FMO2: variants seen among roughly 807,000 people sequenced by gnomAD.
FMO2 encodes flavin-containing monooxygenase 2.
In FMO2, 33 loss-of-function variants were observed where a neutral mutation model predicts 41.6. The ratio of observed to expected loss-of-function variants is 0.79; its 90% confidence interval spans 0.60 to 1.06. FMO2 has a LOEUF of 1.06. Ranked by LOEUF, FMO2 falls within the 50% of genes least tolerant of loss-of-function variation. FMO2 has a pLI of 0.00. For synonymous variants in FMO2, 214 were observed against 219.6 expected, an observed-to-expected ratio of 0.97 and a Z score of 0.23; for missense variants, 619 against 632.9, an observed-to-expected ratio of 0.98 and a Z score of 0.23.
intron 2 of FMO2, among the ~76,000 whole-genome samples, chr1:171,192,821 C>G (rs1421437224): frequency 2.6e-5 from 4 of 151,286 alleles, no homozygotes; most frequent in Non-Finnish European, 5.9e-5. Context: ...ACCTTTATAG[C>G]TTGACAATGA....
chr1:171,205,478 G>C lies in FMO2; in HGVS notation c.1027G>C (p.Val343Leu), dbSNP rs756113906. 1 of 1,613,686 alleles carries C rather than the reference G, an allele frequency of 6.2e-7. No homozygotes were observed. Among genetic ancestry groups the C allele is most frequent in the Non-Finnish European group, 8.5e-7 (1 of 1,179,772 alleles). The change falls in exon 7 of 9, where the codon GTT (valine) becomes CTT (leucine). Residue 343 changes from valine to leucine, a missense_variant. Val to Leu is a conservative substitution (Grantham distance 32, BLOSUM62 1). Coordinates refer to ENST00000209929, the MANE Select transcript of FMO2 (RefSeq NM_001460.5). The stretch of plus-strand genomic sequence containing the variant: ...TTTTCCCTTCCTTGAAGATTCACTC[G>C]TTAAAGTAGAGAATAATATGGTCTC... The part of the protein sequence containing the change: ...FSFPFLEDSL[V>L]KVENNMVSLY...
Position 171,199,378 on chromosome 1 carries a change from A to G in FMO2, c.517A>G (p.Ser173Gly), listed in dbSNP as rs757454623. 14 of 1,610,406 alleles carry G rather than the reference A, an allele frequency of 8.7e-6. No individual in the cohort carries two copies. Among genetic ancestry groups the G allele is most frequent in the Non-Finnish European group, 1.2e-5 (14 of 1,178,556 alleles). Residue 173 changes from serine to glycine, a missense_variant, in exon 5 of 9, where the codon AGC becomes GGC. Ser to Gly is a moderately conservative substitution (Grantham distance 56, BLOSUM62 0). Coordinates refer to ENST00000209929, the MANE Select transcript of FMO2 (RefSeq NM_001460.5). Reference sequence around the variant, plus strand: ...GAGGTTCAAAGGCCAATATTTCCATAGCCGCCAATACAAGCATCCAGATGG... The same window carrying G: ...GAGGTTCAAAGGCCAATATTTCCATGGCCGCCAATACAAGCATCCAGATGG... ...MERFKGQYFH[S>G]RQYKHPDGFE... is the part of the protein sequence containing the mutation.
Position 171,208,869 on chromosome 1 carries a change from T to G in FMO2, c.1332T>G (p.Gly444=). Residue 444 remains glycine, a synonymous_variant, in exon 9 of 9, where the codon GGT becomes GGG. Transcript: ENST00000209929. Reference sequence around the variant, plus strand: ...TGGACGAGCTCGCCTTAGAGATAGGTGCGAAGCCAGATTTCTGCTCTCTCT... The same window carrying G: ...TGGACGAGCTCGCCTTAGAGATAGGGGCGAAGCCAGATTTCTGCTCTCTCT... ...DYLDELALEI[G]AKPDFCSLLF... 4 of 1,613,990 alleles carry G rather than the reference T, an allele frequency of 2.5e-6. No homozygotes were observed. The highest frequency in any genetic ancestry group is 3.4e-6 in the Non-Finnish European group (4 of 1,179,902).
chr1:171,186,929 A>G (rs1383751099), intron 2 of FMO2, among the ~76,000 whole-genome samples: 1 of 152,236 alleles, frequency 6.6e-6, no homozygotes, highest in Admixed American at 6.5e-5. Flanking sequence ...ATTATCTCAT[A>G]GTGCTATTTT....
chr1:171,201,111 G>A (rs1400003319), intron 5 of FMO2, among the ~76,000 whole-genome samples: 1 of 152,124 alleles, frequency 6.6e-6, no homozygotes, highest in Non-Finnish European at 1.5e-5. Context: ...CTATATGCAT[G>A]CCTTACAGCT....
intron 6 of FMO2, among the ~76,000 whole-genome samples, chr1:171,204,593 T>TA (rs1458343593): frequency 6.6e-6 from 1 of 152,066 alleles, no homozygotes; most frequent in African/African-American, 2.4e-5. Flanking sequence ...CTTCTTCCCT[T>TA]AAAAAAACAG....
At chr1:171,196,167 T>C (rs1015085677) in intron 3 of FMO2, among the ~76,000 whole-genome samples, 1 of 152,262 alleles carries the variant, frequency 6.6e-6, no homozygotes, top group African/African-American at 2.4e-5. Context: ...ATTTGTGTAT[T>C]CAGGGAGTTA....
chr1:171,204,101 G>C (rs764599969), intron 6 of FMO2, 37 bp downstream of exon 6: 1 of 1,505,792 alleles, frequency 6.6e-7, no homozygotes, highest in South Asian at 1.1e-5. Flanking sequence ...TATACTCGTT[G>C]GTGAGCAAAG....
chr1:171,189,036 G>A (rs1249698489), intron 2 of FMO2: 1 of 152,128 alleles, frequency 6.6e-6, no homozygotes, highest in African/African-American at 2.4e-5. Flanking sequence ...AATTTGCTCA[G>A]GGGAACATAG....
chr1:171,210,321 G>A lies in FMO2; in HGVS notation c.*1176G>A, dbSNP rs1366714901. The A allele has an allele frequency of 6.6e-6, 1 of 152,168 alleles. No individual in the cohort carries two copies. The highest frequency in any genetic ancestry group is 2.4e-5 in the African/African-American group (1 of 41,444). The allele number at this position is 152,168 out of a possible 1,614,324, so 9.4% of individuals were successfully genotyped here. On this transcript the variant is annotated 3_prime_UTR_variant, in exon 9 of 9. Transcript: ENST00000209929. ...AAAAAAGTGTATCTTTCAAGTAGAT[G>A]CAAAGCATTATAATGACTGACACTT...
At chr1:171,205,058 C>T (rs1462629290) in intron 6 of FMO2, among the ~76,000 whole-genome samples, 2 of 152,204 alleles carry the variant, frequency 1.3e-5, no homozygotes, top group Non-Finnish European at 2.9e-5. Context: ...CTCTTTCACT[C>T]ACGTTGCCTA....
intron 2 of FMO2, 150 bp from the exon 3 acceptor site, chr1:171,193,185 C>T: frequency 1.7e-6 from 1 of 593,616 alleles, no homozygotes; most frequent in Non-Finnish European, 3.0e-6. Context: ...ATTGATGGAA[C>T]ACATAGACTG....
intron 7 of FMO2, 70 bp downstream of exon 7, chr1:171,205,704 G>A: frequency 9.3e-7 from 1 of 1,072,118 alleles, no homozygotes; most frequent in Non-Finnish European, 1.3e-6. Context: ...TGATAAGAAG[G>A]TTGCCTGAGA....
In FMO2 at chr1:171,185,826, G is replaced by A; in HGVS notation, c.113G>A (p.Gly38Glu). 4.3e-6 allele frequency: 7 copies of A among 1,613,850 alleles called. No individual in the cohort carries two copies. Among genetic ancestry groups the A allele is most frequent in the Non-Finnish European group, 4.2e-6 (5 of 1,179,802 alleles). The change falls in exon 2 of 9, where the codon GGA becomes GAA. Residue 38 changes from glycine to glutamate, a missense_variant. Coordinates refer to ENST00000209929, the MANE Select transcript of FMO2 (RefSeq NM_001460.5). ...TGCTTTGAGAGAACTGAAGATATTG[G>A]AGGAGTGTGGAGGTTCAAAGTAAGT... ...PTCFERTEDIGGVWRFKENVE... is the reference protein window; with the variant it reads ...PTCFERTEDIEGVWRFKENVE...
intron 2 of FMO2, among the ~76,000 whole-genome samples, chr1:171,187,442 G>A (rs992139141): frequency 5.3e-5 from 8 of 151,994 alleles, no homozygotes; most frequent in East Asian, 1.9e-4. Flanking sequence ...TGCCAACAGC[G>A]ATCTTTTTTA....
In FMO2 at chr1:171,209,967, C is replaced by T. The variant is rs988780527; in HGVS notation, c.*822C>T. ...CAGAGCAGCTGATCTTGTGAGGCAG[C>T]TGGAATTGGAACTCAGATTTGTTGA... is the stretch of plus-strand genomic sequence containing the variant. On this transcript the variant is annotated 3_prime_UTR_variant, in exon 9 of 9. Transcript: ENST00000209929. 1 of 152,104 alleles carries T rather than the reference C, an allele frequency of 6.6e-6. No homozygotes were observed. Among genetic ancestry groups the T allele is most frequent in the Non-Finnish European group, 1.5e-5 (1 of 68,016 alleles). The allele number at this position is 152,104 out of a possible 1,614,324, so 9.4% of individuals were successfully genotyped here. A position where few individuals can be genotyped will look rare whatever the true frequency, so the allele number is the denominator to read the frequency against.
Position 171,205,323 on chromosome 1 carries a change from G to T in FMO2, c.872G>T (p.Arg291Leu). The change falls in exon 7 of 9, where the codon CGT becomes CTT. Residue 291 changes from arginine (R) to leucine (L), a missense_variant. Arg to Leu is a moderately radical substitution (Grantham distance 102, BLOSUM62 -2). Transcript: ENST00000209929. ...GTACTAAATGATGATGTCCCAAGTC[G>T]TCTACTCTGTGGAGCCATCAAGGTG... ...EPVLNDDVPS[R>L]LLCGAIKVKS... 1 of 1,613,454 alleles carries T rather than the reference G, an allele frequency of 6.2e-7. No homozygotes were observed.
At chr1:171,189,211 CA>C (rs201879109) in intron 2 of FMO2, among the ~76,000 whole-genome samples, 3 of 129,416 alleles carry the variant, frequency 2.3e-5, no homozygotes, top group African/African-American at 9.5e-5. Flanking sequence ...TTACCATGTA[CA>C]TTTTTTTTCC....
chr1:171,196,622 A>G, intron 3 of FMO2, 27 bp from the exon 4 acceptor site: 4 of 1,607,378 alleles, frequency 2.5e-6, no homozygotes, highest in Non-Finnish European at 3.4e-6. Context: ...GTAATTCTCA[A>G]TGATGCCTTC....
Sources: gnomAD v4.1 joint callset for allele counts (sites outside exome capture counted in the v4.1 genomes callset) on GRCh38, gnomAD v4.1.1 for gene constraint, MANE v1.5 for transcripts, NCBI Gene and HGNC (gene_info 2026-07-23, HGNC 2026-07-21) for gene names.